SATL1: variants seen among roughly 807,000 people sequenced by gnomAD.
SATL1 encodes the protein spermidine/spermine N(1)-acetyltransferase-like protein 1.
Under a neutral mutation model 51.8 loss-of-function variants are expected in SATL1, and 47 were observed. That is an observed-to-expected ratio of 0.91 (90% CI 0.72 to 1.16). The LOEUF (loss-of-function observed/expected upper bound fraction) is 1.16, where lower values mean the gene tolerates loss of function less well. SATL1 is among the 50% of genes most tolerant of loss of function. The pLI is 0.00. For missense variants in SATL1, 520 were observed against 526.4 expected (o/e 0.99, Z 0.12); for synonymous variants, 176 against 182.4 (o/e 0.97, Z 0.28).
At chrX:85,198,706 G>C (rs912357086) in intron 2 of SATL1, among the ~76,000 whole-genome samples, 2 of 110,483 alleles carry the variant, frequency 1.8e-5, no homozygotes, top group African/African-American at 6.6e-5. Context: ...TGTAAAAATG[G>C]GGTATCCATC....
chrX:85,152,927 C>T (rs999534964), intron 2 of SATL1, among the ~76,000 whole-genome samples: 1 of 109,443 alleles, frequency 9.1e-6, no homozygotes, highest in Non-Finnish European at 1.9e-5. Context: ...TGTAACTAAC[C>T]TGCACATTGT....
chrX:85,102,189 C>T (rs906404263), intron 4 of SATL1, among the ~76,000 whole-genome samples: 2 of 109,091 alleles, frequency 1.8e-5, no homozygotes, highest in Non-Finnish European at 3.8e-5. Flanking sequence ...CCCATTAACT[C>T]GTCATTTAGC....
At chrX:85,099,232 A>G (rs1924821845) in intron 4 of SATL1, among the ~76,000 whole-genome samples, 1 of 111,545 alleles carries the variant, frequency 9.0e-6, no homozygotes, top group Non-Finnish European at 1.9e-5. Flanking sequence ...AAATCTCAAC[A>G]GACCTGCAAA....
intron 2 of SATL1, among the ~76,000 whole-genome samples, chrX:85,154,228 C>T (rs1602875094): frequency 9.0e-6 from 1 of 110,880 alleles, no homozygotes; most frequent in African/African-American, 3.3e-5. Flanking sequence ...TTGTGTGCAC[C>T]CCCATATACT....
intron 2 of SATL1, among the ~76,000 whole-genome samples, chrX:85,138,877 T>C (rs909822865): frequency 2.7e-5 from 3 of 111,972 alleles, no homozygotes; most frequent in Non-Finnish European, 3.8e-5. Context: ...AAAATTCTAA[T>C]GCAGGAGAGA....
At chrX:85,205,585 TAGAG>T (rs969112808) in intron 2 of SATL1, among the ~76,000 whole-genome samples, 3 of 111,896 alleles carry the variant, frequency 2.7e-5, no homozygotes, top group African/African-American at 9.7e-5. Flanking sequence ...ACTTTCTAAA[TAGAG>T]AGAAGAACTA....
rs1414781408 is a variant in SATL1, at chrX:85,094,192, T to A, written c.1812A>T (p.Thr604=). 8.4e-7 allele frequency: 1 copy of A among 1,190,599 alleles called. No homozygotes were observed. The highest frequency in any genetic ancestry group is 2.2e-5 in the Admixed American group (1 of 45,961). The change falls in exon 6 of 8, where the codon ACA becomes ACT. Residue 604 remains threonine, a synonymous_variant. Transcript: ENST00000644105. ...GTACCTTGCCAGTCCATGAGTCGTA[T>A]GTAAAGTAGTACATGGCAAATCCAA... is the stretch of plus-strand genomic sequence containing the variant. ...LTVGFAMYYF[T]YDSWTGKVLY... is the part of the protein sequence containing the mutation.
chrX:85,200,591 AG>A (rs763156692), intron 2 of SATL1, among the ~76,000 whole-genome samples: 39 of 111,291 alleles, frequency 3.5e-4, no homozygotes, highest in African/African-American at 1.3e-3. Context: ...TATAAATTAA[AG>A]GGACTGATGC....
intron 2 of SATL1, among the ~76,000 whole-genome samples, chrX:85,143,207 G>A (rs756985974): frequency 3.6e-5 from 4 of 112,008 alleles, no homozygotes; most frequent in Non-Finnish European, 7.5e-5. Context: ...TACACAATTC[G>A]TGCATGTTCC....
intron 3 of SATL1, among the ~76,000 whole-genome samples, chrX:85,106,616 A>C (rs1438504960): frequency 8.9e-6 from 1 of 112,155 alleles, no homozygotes; most frequent in Non-Finnish European, 1.9e-5. Flanking sequence ...CACATAAATG[A>C]GTGCTTTCAG....
At chrX:85,153,394 CA>C (rs1466531311) in intron 2 of SATL1, among the ~76,000 whole-genome samples, 2 of 111,473 alleles carry the variant, frequency 1.8e-5, no homozygotes, top group East Asian at 5.6e-4. Flanking sequence ...AAAGTGAATA[CA>C]GGTATAAGCC....
chrX:85,152,329 G>T (rs1207439098), intron 2 of SATL1, among the ~76,000 whole-genome samples: 1 of 111,429 alleles, frequency 9.0e-6, no homozygotes, highest in Non-Finnish European at 1.9e-5. Context: ...AGGTGCTGGA[G>T]AGGATGTGGA....
intron 2 of SATL1, among the ~76,000 whole-genome samples, chrX:85,132,256 T>C (rs1347521939): frequency 8.9e-6 from 1 of 112,247 alleles, no homozygotes; most frequent in African/African-American, 3.2e-5. Flanking sequence ...TCCAGCTTAG[T>C]TCCATTCTCC....
At chrX:85,234,721 A>G (rs1428089609) in intron 1 of SATL1, among the ~76,000 whole-genome samples, 2 of 111,350 alleles carry the variant, frequency 1.8e-5, no homozygotes, top group Non-Finnish European at 3.8e-5. Context: ...TACAAAAAAT[A>G]AAAAGCAAGA....
At chrX:85,153,865 T>C (rs1406570228) in intron 2 of SATL1, 2 of 111,423 alleles carry the variant, frequency 1.8e-5, no homozygotes, top group African/African-American at 3.3e-5. Flanking sequence ...CAATCCAGAC[T>C]ATGTACTGCT....
chrX:85,210,052 T>C (rs1240623819), intron 2 of SATL1: 1 of 109,828 alleles, frequency 9.1e-6, no homozygotes, highest in African/African-American at 3.3e-5. Context: ...CTCTCATAAG[T>C]GTTCTGGTTT....
intron 2 of SATL1, among the ~76,000 whole-genome samples, chrX:85,139,132 A>C (rs1926043152): frequency 9.0e-6 from 1 of 111,186 alleles, no homozygotes; most frequent in Admixed American, 9.6e-5. Flanking sequence ...TCAATAAATC[A>C]CAATTTGGAG....
intron 2 of SATL1, among the ~76,000 whole-genome samples, chrX:85,163,018 G>A (rs771707722): frequency 9.9e-6 from 1 of 101,216 alleles, no homozygotes; most frequent in African/African-American, 3.6e-5. Context: ...TTTTTTTTAT[G>A]TCCTTTCCTG....
At chrX:85,149,701 C>T (rs1926367698) in intron 2 of SATL1, among the ~76,000 whole-genome samples, 1 of 111,151 alleles carries the variant, frequency 9.0e-6, no homozygotes, top group Non-Finnish European at 1.9e-5. Context: ...GAACAACCTG[C>T]TCCTGAATGA....
Sources: allele counts gnomAD v4.1 joint callset (sites outside exome capture counted in the v4.1 genomes callset), GRCh38; gene constraint gnomAD v4.1.1; transcripts MANE v1.5; gene names NCBI Gene and HGNC (gene_info 2026-07-23, HGNC 2026-07-21).